Variants in FAM162A observed in about 807,000 individuals in gnomAD.
FAM162A encodes family with sequence similarity 162 member A, also known as protein FAM162A.
In FAM162A, 23 loss-of-function variants were observed where a neutral mutation model predicts 21.8. The observed-to-expected ratio is 1.05, with a 90% CI of 0.76 to 1.49. The LOEUF is 1.49. Among genes scored for constraint, FAM162A ranks in the 40% most tolerant of loss-of-function variants. The pLI, the probability that FAM162A is intolerant of heterozygous loss-of-function variation, is 0.00. For synonymous variants in FAM162A, 53 were observed against 61.3 expected (o/e 0.86, Z 0.64); for missense variants, 165 against 186.4 (o/e 0.89, Z 0.67).
intron 1 of FAM162A, among the ~76,000 whole-genome samples, chr3:122,399,676 T>A (rs558091055): frequency 5.3e-5 from 8 of 152,358 alleles, no homozygotes; most frequent in African/African-American, 2.4e-5. Context: ...ATGGTAGTTC[T>A]GTTTTTAGGT....
chr3:122,407,132 C>G lies in FAM162A; in HGVS notation c.264-149C>G, dbSNP rs74816094. 7.0e-5 allele frequency: 41 copies of G among 587,192 alleles called. No homozygotes were observed. In the East Asian group the frequency reaches 9.8e-4, roughly 14 times the overall value. The allele number at this position is 587,192 out of a possible 1,614,324, so 36.4% of individuals were successfully genotyped here. On this transcript the variant is annotated intron_variant, in intron 3 of 4. Transcript: ENST00000477892. Reference sequence around the variant, plus strand: ...TCCTCCCCAAAGTCCTATGAGATCTCTAGGCCCTTTTTAAAGAGATCTCTA... The same window carrying G: ...TCCTCCCCAAAGTCCTATGAGATCTGTAGGCCCTTTTTAAAGAGATCTCTA...
chr3:122,409,007 TC>T (rs1029979654), intron 4 of FAM162A, among the ~76,000 whole-genome samples: 1 of 151,536 alleles, frequency 6.6e-6, no homozygotes, highest in African/African-American at 2.4e-5. Flanking sequence ...CTTCCCTTTC[TC>T]CCCCCGCTCC....
At chr3:122,409,688 C>A (rs752666541) in intron 4 of FAM162A, 51 bp from the exon 5 acceptor site, 1 of 1,536,358 alleles carries the variant, frequency 6.5e-7, no homozygotes, top group Non-Finnish European at 9.0e-7. Context: ...GGTAAAGACA[C>A]CCTCCCCTGA....
In FAM162A at chr3:122,409,849, G is replaced by C; in HGVS notation, c.*18G>C. On this transcript the variant is annotated 3_prime_UTR_variant, in exon 5 of 5. Coordinates refer to ENST00000477892, the MANE Select transcript of FAM162A (RefSeq NM_014367.4). ...CAGAGTAGCAGAGGTATCCGTGTTG[G>C]CTGGATTTTGAAAATCCAGGAATTA... The C allele has an allele frequency of 1.9e-6, 3 of 1,607,218 alleles. No homozygotes were observed. The highest frequency in any genetic ancestry group is 2.2e-5 in the East Asian group (1 of 44,832).
chr3:122,394,925 A>G (rs533346946), intron 1 of FAM162A, among the ~76,000 whole-genome samples: 7 of 152,182 alleles, frequency 4.6e-5, no homozygotes, highest in Non-Finnish European at 1.0e-4. Flanking sequence ...ATGAAAAATT[A>G]TAGACTGATC....
chr3:122,408,180 A>T (rs2075685521), intron 4 of FAM162A, among the ~76,000 whole-genome samples: 1 of 152,136 alleles, frequency 6.6e-6, no homozygotes, highest in South Asian at 2.1e-4. Flanking sequence ...TCACTTAATC[A>T]CCCCCATAAC....
intron 2 of FAM162A, 103 bp from the exon 3 acceptor site, chr3:122,404,155 T>C (rs1440883924): frequency 4.6e-6 from 2 of 432,174 alleles, no homozygotes; most frequent in African/African-American, 4.1e-5. Flanking sequence ...TCAGTGTTTC[T>C]GTTTAGTGAC....
intron 1 of FAM162A, among the ~76,000 whole-genome samples, chr3:122,394,488 G>A (rs1473523721): frequency 1.3e-5 from 2 of 151,964 alleles, no homozygotes; most frequent in Non-Finnish European, 2.9e-5. Context: ...AACACACAAA[G>A]GATACAAGGA....
At chr3:122,402,155 G>T (rs1388177895) in intron 1 of FAM162A, among the ~76,000 whole-genome samples, 1 of 151,802 alleles carries the variant, frequency 6.6e-6, no homozygotes, top group East Asian at 1.9e-4. Flanking sequence ...TGTTGAAAAT[G>T]GGTGATGAGT....
rs373111681 is a variant in FAM162A at position 122,387,923 on chromosome 3, C to T, written c.34+3624C>T. Among the ~76,000 whole-genome samples the T allele has an allele frequency of 1.2e-4, 18 of 151,808 alleles. 1 individual carries two copies. The highest frequency in any genetic ancestry group is 3.9e-4 in the East Asian group (2 of 5,168). On this transcript the variant is annotated intron_variant, in intron 1 of 4. Coordinates refer to ENST00000477892, the MANE Select transcript of FAM162A (RefSeq NM_014367.4). ...AATGAGTTGTGAGCACATGTAGGGG[C>T]GGTAATGAGTCTGAAAAAGGATATG...
intron 4 of FAM162A, among the ~76,000 whole-genome samples, chr3:122,408,497 T>A (rs2075687238): frequency 6.6e-6 from 1 of 152,224 alleles, no homozygotes; most frequent in Non-Finnish European, 1.5e-5. Context: ...GGAAATGTAC[T>A]TTTGGCTGTC....
intron 1 of FAM162A, among the ~76,000 whole-genome samples, chr3:122,400,002 G>A (rs546618015): frequency 2.2e-4 from 33 of 152,328 alleles, no homozygotes; most frequent in African/African-American, 7.5e-4. Context: ...TACTCGGAAG[G>A]CTGAAGCAGG....
rs376464403 is a variant in FAM162A, at chr3:122,404,326, C to T, written c.226C>T (p.Arg76Cys). The T allele has an allele frequency of 1.5e-5, 24 of 1,606,516 alleles. No homozygotes were observed. In the African/African-American group the frequency reaches 1.9e-4, roughly 13 times the overall value. The change falls in exon 3 of 5, where the codon CGC becomes TGC. Residue 76 changes from arginine to cysteine, a missense_variant. Physicochemically the swap from Arg to Cys is radical, Grantham distance 180. Transcript: ENST00000477892. The part of the protein sequence containing the change: ...WQKKILIWSG[R>C]FKKEDEIPET... ...GAAAAAGATCCTCATATGGTCAGGTCGCTTCAAAAAGGAAGATGAAATCCC... is the reference window on the plus strand; with the variant it reads ...GAAAAAGATCCTCATATGGTCAGGTTGCTTCAAAAAGGAAGATGAAATCCC...
chr3:122,402,214 A>T (rs1023604035), intron 1 of FAM162A, among the ~76,000 whole-genome samples: 6 of 151,354 alleles, frequency 4.0e-5, no homozygotes, highest in Non-Finnish European at 8.8e-5. Flanking sequence ...TTAAATTTTT[A>T]AAATAAACTA....
At chr3:122,393,451 A>T (rs1384813268) in intron 1 of FAM162A, among the ~76,000 whole-genome samples, 1 of 152,124 alleles carries the variant, frequency 6.6e-6, no homozygotes, top group Non-Finnish European at 1.5e-5. Flanking sequence ...TAGTCTTGAA[A>T]ACCAACAGCC....
chr3:122,387,273 T>C (rs1011541070), intron 1 of FAM162A, among the ~76,000 whole-genome samples: 1 of 152,248 alleles, frequency 6.6e-6, no homozygotes, highest in Non-Finnish European at 1.5e-5. Context: ...CAAGAATGTT[T>C]CTTATTGAAA....
chr3:122,387,615 A>C (rs2075580662), intron 1 of FAM162A, among the ~76,000 whole-genome samples: 1 of 152,210 alleles, frequency 6.6e-6, no homozygotes, highest in Non-Finnish European at 1.5e-5. Context: ...CTTGCTAACC[A>C]AACCTAAATG....
intron 1 of FAM162A, among the ~76,000 whole-genome samples, chr3:122,394,048 C>T (rs748698584): frequency 6.6e-6 from 1 of 152,254 alleles, no homozygotes; most frequent in East Asian, 1.9e-4. Context: ...AGGAAACTTA[C>T]AATCATGGTG....
chr3:122,407,328 G>T lies in FAM162A; in HGVS notation c.311G>T (p.Ser104Ile). 6.2e-7 allele frequency: 1 copy of T among 1,614,130 alleles called. No homozygotes were observed. Among genetic ancestry groups the T allele is most frequent in the Admixed American group, 1.7e-5 (1 of 60,024 alleles). Residue 104 changes from serine (S) to isoleucine (I), a missense_variant, in exon 4 of 5, where the codon AGC becomes ATC. Transcript: ENST00000477892. ...AAGAACAAGATGCGAGTGAAGATCA[G>T]CTATCTAATGATTGCCCTGACGGTG... Reference protein sequence around the residue: ...AAKNKMRVKISYLMIALTVVG... With the variant: ...AAKNKMRVKIIYLMIALTVVG...
Sources: gnomAD v4.1 joint callset for allele counts (sites outside exome capture counted in the v4.1 genomes callset) on GRCh38, gnomAD v4.1.1 for gene constraint, MANE v1.5 for transcripts, NCBI Gene and HGNC (gene_info 2026-07-23, HGNC 2026-07-21) for gene names.